The following EDA variants were observed in gnomAD, a reference collection of about 807,000 sequenced individuals.
EDA encodes the protein ectodysplasin-A.
A neutral mutation model predicts 23.6 loss-of-function variants in EDA; 2 were observed. That is an observed-to-expected ratio of 0.08 (90% CI 0.03 to 0.27). The LOEUF is 0.27. EDA is among the 10% of genes least tolerant of loss of function. The pLI is 1.00. For missense variants in EDA, 229 were observed against 324.2 expected (o/e 0.71, Z 2.26); for synonymous variants, 131 against 132.0 (o/e 0.99, Z 0.05).
At chrX:69,735,191 T>C (rs755704510) in intron 1 of EDA, among the ~76,000 whole-genome samples, 3 of 60,383 alleles carry the variant, frequency 5.0e-5, no homozygotes, top group Non-Finnish European at 1.0e-4. Flanking sequence ...TGCATACACA[T>C]ACAACAGAAT....
intron 2 of EDA, among the ~76,000 whole-genome samples, chrX:70,020,092 A>G (rs2020009038): frequency 1.8e-5 from 2 of 112,210 alleles, no homozygotes; most frequent in African/African-American, 6.5e-5. Flanking sequence ...AGAGTTACCT[A>G]TAATATCACA....
chrX:69,833,304 G>T lies in EDA; in HGVS notation c.397-123723G>T, dbSNP rs185953130. The stretch of plus-strand genomic sequence containing the variant: ...CTGCATCTGTTGAGATAATCATGTG[G>T]TTTTTTTGTTGTTGTTGGTTCTGTG... On this transcript the variant is annotated intron_variant, in intron 1 of 7. Transcript: ENST00000374552. Among the ~76,000 whole-genome samples the T allele has an allele frequency of 3.6e-5, 4 of 110,693 alleles. No individual in the cohort carries two copies. The East Asian group carries it at 1.1e-3, about 31-fold the overall frequency.
intron 1 of EDA, among the ~76,000 whole-genome samples, chrX:69,667,652 T>C (rs983536381): frequency 8.9e-6 from 1 of 112,366 alleles, no homozygotes; most frequent in African/African-American, 3.2e-5. Context: ...TGTGCTTCTT[T>C]TATTAGTTAC....
In EDA at chrX:69,630,448, GT is replaced by G. The variant is rs773218303; in HGVS notation, c.396+13748del. 2.7e-5 allele frequency among the ~76,000 whole-genome samples: 3 copies of G among 111,744 alleles called. No homozygotes were observed. The South Asian group carries it at 1.1e-3, about 42-fold the overall frequency. ...GAGTGCCTCATGCTTATTTTGGTCT[GT>G]TTTGGATATCTTTCTTATCCTGGAG... On this transcript the variant is annotated intron_variant, in intron 1 of 7. Transcript: ENST00000374552.
chrX:69,940,013 A>G (rs2018733494), intron 1 of EDA, among the ~76,000 whole-genome samples: 1 of 110,728 alleles, frequency 9.0e-6, no homozygotes, highest in South Asian at 3.8e-4. Context: ...GGATTTTTGT[A>G]TCAATGTTTA....
chrX:69,983,885 G>A (rs1200014502), intron 2 of EDA, among the ~76,000 whole-genome samples: 2 of 109,072 alleles, frequency 1.8e-5, no homozygotes, highest in Non-Finnish European at 3.8e-5. Context: ...CACATCCTCA[G>A]CAAATGTAAA....
rs142741243 is a variant in EDA at position 69,768,229 on chromosome X, T to C, written c.396+151525T>C. On this transcript the variant is annotated intron_variant, in intron 1 of 7. Coordinates refer to ENST00000374552, the MANE Select transcript of EDA (RefSeq NM_001399.5). ...CAATGTAATGATTTTTCCCCTTTTG[T>C]AATTTCTGGAGTTTTGTAATAATTA... Among the ~76,000 whole-genome samples the C allele has an allele frequency of 3.7e-3, 414 of 111,827 alleles. 1 individual carries two copies. The highest frequency in any genetic ancestry group is 0.013 in the African/African-American group (397 of 30,858).
intron 1 of EDA, among the ~76,000 whole-genome samples, chrX:69,828,973 G>A (rs891771779): frequency 1.3e-4 from 14 of 111,873 alleles, no homozygotes; most frequent in Admixed American, 1.1e-3. Flanking sequence ...AAATGCCATC[G>A]TTTCAGAAAG....
chrX:69,660,660 A>T (rs1461015680), intron 1 of EDA, among the ~76,000 whole-genome samples: 1 of 111,309 alleles, frequency 9.0e-6, no homozygotes, highest in Non-Finnish European at 1.9e-5. Context: ...GTCCCTACAA[A>T]GGGCAGGAAC....
At chrX:69,947,896 AAGTC>A (rs895979812) in intron 1 of EDA, among the ~76,000 whole-genome samples, 2 of 111,988 alleles carry the variant, frequency 1.8e-5, no homozygotes, top group African/African-American at 6.5e-5. Context: ...AGGAAACAAA[AAGTC>A]AGGGCAGGGG....
chrX:69,645,594 G>GTATATATATATA (rs1569281291), intron 1 of EDA, among the ~76,000 whole-genome samples: 1 of 50,087 alleles, frequency 2.0e-5, no homozygotes, highest in Admixed American at 2.7e-4. Flanking sequence ...TTATATATAT[G>GTATATATATATA]TGTGTGTGTA....
chrX:69,998,883 C>T (rs781598379), intron 2 of EDA, among the ~76,000 whole-genome samples: 4 of 111,564 alleles, frequency 3.6e-5, no homozygotes, highest in South Asian at 3.9e-4. Context: ...CCTCCCCAGC[C>T]ACGTGGAACT....
intron 1 of EDA, among the ~76,000 whole-genome samples, chrX:69,707,992 C>A (rs1016222317): frequency 1.8e-5 from 2 of 111,631 alleles, no homozygotes; most frequent in Admixed American, 1.9e-4. Flanking sequence ...CACCCATGAC[C>A]CCAGTTGCTC....
At chrX:69,920,948 CTATTTATT>C (rs4007732) in intron 1 of EDA, among the ~76,000 whole-genome samples, 33,743 of 100,331 alleles carry the variant, frequency 0.34, 4,520 homozygotes, top group African/African-American at 0.44. Context: ...TATTCTGACA[CTATTTATT>C]TATTTATTTA....
At chrX:69,740,191 A>T (rs2013409190) in intron 1 of EDA, among the ~76,000 whole-genome samples, 1 of 111,023 alleles carries the variant, frequency 9.0e-6, no homozygotes, top group Non-Finnish European at 1.9e-5. Context: ...AAACATATAC[A>T]TTTTACTGTC....
intron 2 of EDA, among the ~76,000 whole-genome samples, chrX:70,009,990 G>T (rs898259252): frequency 5.3e-5 from 6 of 112,153 alleles, no homozygotes. Flanking sequence ...TACTTTGTAT[G>T]ATATCTCTTT....
chrX:69,990,108 G>T (rs2019563584), intron 2 of EDA, among the ~76,000 whole-genome samples: 1 of 110,225 alleles, frequency 9.1e-6, no homozygotes, highest in African/African-American at 3.3e-5. Context: ...CATATTCTTG[G>T]TTCTTAGTAT....
intron 1 of EDA, among the ~76,000 whole-genome samples, chrX:69,734,571 A>AT (rs1569312532): frequency 9.0e-6 from 1 of 110,890 alleles, no homozygotes; most frequent in Non-Finnish European, 1.9e-5. Flanking sequence ...TGATGCTGTC[A>AT]TTTTTTTCTG....
intron 1 of EDA, chrX:69,937,810 C>A: frequency 2.5e-6 from 3 of 1,191,560 alleles, no homozygotes; most frequent in Non-Finnish European, 3.4e-6. Flanking sequence ...TTTAACAAGT[C>A]TACATTACAC....
Sources: allele counts gnomAD v4.1 joint callset (sites outside exome capture counted in the v4.1 genomes callset), GRCh38; gene constraint gnomAD v4.1.1; transcripts MANE v1.5; gene names NCBI Gene and HGNC (gene_info 2026-07-23, HGNC 2026-07-21).